SCAMP1: variants seen among roughly 807,000 people sequenced by gnomAD.
The protein encoded by SCAMP1 is secretory carrier membrane protein 1.
SCAMP1 carries 15 observed loss-of-function variants against 41.8 expected under a neutral mutation model. The ratio of observed to expected loss-of-function variants is 0.36; its 90% CI spans 0.24 to 0.55. The LOEUF (loss-of-function observed/expected upper bound fraction) is 0.55, where lower values mean the gene tolerates loss of function less well. SCAMP1 is among the 20% of genes least tolerant of loss of function. The probability of loss-of-function intolerance (pLI) is 0.86; values close to 1 mark genes in which losing one functional copy is unlikely to be tolerated. For synonymous variants in SCAMP1, 135 were observed against 136.8 expected, an observed-to-expected ratio of 0.99 and a Z score of 0.09; for missense variants, 341 against 412.6, an observed-to-expected ratio of 0.83 and a Z score of 1.50.
At chr5:78,451,329 T>C (rs1753220187) in intron 7 of SCAMP1, among the ~76,000 whole-genome samples, 1 of 152,230 alleles carries the variant, frequency 6.6e-6, no homozygotes, top group Non-Finnish European at 1.5e-5. Flanking sequence ...CCCTTTATCC[T>C]GTTTCACCCA....
chr5:78,413,052 A>G (rs1290792180), intron 2 of SCAMP1, among the ~76,000 whole-genome samples: 1 of 152,082 alleles, frequency 6.6e-6, no homozygotes, highest in Non-Finnish European at 1.5e-5. Flanking sequence ...ATTCACATGT[A>G]TTTTTCCCTG....
chr5:78,448,502 ATTAG>A (rs1204375655), intron 6 of SCAMP1, among the ~76,000 whole-genome samples: 1 of 152,226 alleles, frequency 6.6e-6, no homozygotes. Context: ...AAATATTTTA[ATTAG>A]TTCATGAAAG....
rs770810098 is a variant in SCAMP1 at position 78,412,698 on chromosome 5, C to T, written c.136-2822C>T. ...ACACCTCTTTTCACATGTTTATTGA[C>T]CTCTTTCTATTGCTTGTTCAGATCT... On this transcript the variant is annotated intron_variant, in intron 2 of 8. Coordinates refer to ENST00000621999, the MANE Select transcript of SCAMP1 (RefSeq NM_004866.6). 1.6e-4 allele frequency among the ~76,000 whole-genome samples: 25 copies of T among 152,040 alleles called. 1 individual carries two copies. Among genetic ancestry groups the T allele is most frequent in the Admixed American group, 1.2e-3 (19 of 15,260 alleles).
intron 7 of SCAMP1, among the ~76,000 whole-genome samples, chr5:78,451,829 A>G (rs574033825): frequency 4.6e-5 from 7 of 152,104 alleles, no homozygotes; most frequent in Admixed American, 3.3e-4. Flanking sequence ...TAATTTTTCT[A>G]TTTTTAGTAG....
chr5:78,465,984 C>T (rs576889892), intron 8 of SCAMP1, among the ~76,000 whole-genome samples: 11 of 152,344 alleles, frequency 7.2e-5, no homozygotes, highest in South Asian at 6.2e-4. Flanking sequence ...ACCTTCACAG[C>T]GGCACCTAGG....
rs972486526 is a variant in SCAMP1, at chr5:78,418,890, C to T, written c.459C>T (p.Tyr153=). 2.5e-6 allele frequency: 4 copies of T among 1,569,686 alleles called. No homozygotes were observed. Among genetic ancestry groups the T allele is most frequent in the Non-Finnish European group, 3.5e-6 (4 of 1,159,148 alleles). The change falls in exon 5 of 9, where the codon TAC becomes TAT. Residue 153 remains tyrosine (Y), a synonymous_variant. Transcript: ENST00000621999. ...VEFQKTVKLM[Y]YLWMFHAVTL... is the part of the protein sequence containing the mutation. The stretch of plus-strand genomic sequence containing the variant: ...TCCAAAAGACAGTAAAGCTTATGTA[C>T]TACTTGTGGATGTGTGAGTATACAA...
intron 8 of SCAMP1, among the ~76,000 whole-genome samples, chr5:78,460,813 CTTCCTTCCTTTCT>C (rs1352899194): frequency 0.016 from 554 of 34,586 alleles, 59 homozygotes; most frequent in African/African-American, 0.068. Context: ...TCCTCCCTTC[CTTCCTTCCTTTCT>C]TGTCTTTCCT....
At chr5:78,429,049 A>T (rs13155116) in intron 6 of SCAMP1, among the ~76,000 whole-genome samples, 68,375 of 151,836 alleles carry the variant, frequency 0.45, 16,191 homozygotes, top group Non-Finnish European at 0.51. Context: ...ATTCCTTGGG[A>T]TTCCATATAT....
At chr5:78,382,967 AG>A (rs138729074) in intron 1 of SCAMP1, among the ~76,000 whole-genome samples, 5,392 of 152,246 alleles carry the variant, frequency 0.035, 346 homozygotes, top group African/African-American at 0.12. Flanking sequence ...GATATCCAGG[AG>A]TGGGATTGCT....
chr5:78,392,839 A>T (rs1194816718), intron 2 of SCAMP1, among the ~76,000 whole-genome samples: 2 of 152,132 alleles, frequency 1.3e-5, no homozygotes, highest in Admixed American at 6.5e-5. Flanking sequence ...TTCCAAAGAG[A>T]TTAGGTGTAG....
chr5:78,403,736 C>T (rs1330029643), intron 2 of SCAMP1, among the ~76,000 whole-genome samples: 2 of 151,968 alleles, frequency 1.3e-5, no homozygotes, highest in East Asian at 1.9e-4. Flanking sequence ...GAGGCTGAGG[C>T]GGGCGAATCA....
chr5:78,406,784 G>GATGTATTTAAGCA (rs1221797594), intron 2 of SCAMP1, among the ~76,000 whole-genome samples: 1 of 152,154 alleles, frequency 6.6e-6, no homozygotes, highest in Non-Finnish European at 1.5e-5. Context: ...TAAGCATGTA[G>GATGTATTTAAGCA]TCTATTCCCA....
At chr5:78,371,391 TC>T (rs2112049629) in intron 1 of SCAMP1, among the ~76,000 whole-genome samples, 1 of 152,328 alleles carries the variant, frequency 6.6e-6, no homozygotes, top group Admixed American at 6.5e-5. Context: ...TAATGGTTGT[TC>T]CAGCACCATT....
intron 7 of SCAMP1, among the ~76,000 whole-genome samples, chr5:78,453,427 A>G (rs1297572544): frequency 1.3e-5 from 2 of 151,868 alleles, no homozygotes; most frequent in Non-Finnish European, 2.9e-5. Context: ...TCCCAGCACC[A>G]TTTATTAAAC....
At chr5:78,390,740 G>A (rs1181695033) in intron 2 of SCAMP1, among the ~76,000 whole-genome samples, 3 of 149,706 alleles carry the variant, frequency 2.0e-5, no homozygotes, top group Non-Finnish European at 1.5e-5. Context: ...GTGGAGGGAA[G>A]GTCAGCAGAT....
rs141037666 is a variant in SCAMP1, at chr5:78,387,362, CTT to C, written c.58-1460_58-1459del. Reference sequence around the variant, plus strand: ...AAATTTTTCCATTCATATCCTGTATCTTTTTTTTTTTTTTTTAATTTCTTTAA... The same window carrying C: ...AAATTTTTCCATTCATATCCTGTATCTTTTTTTTTTTTTTAATTTCTTTAA... On this transcript the variant is annotated intron_variant, in intron 1 of 8. Transcript: ENST00000621999. Among the ~76,000 whole-genome samples the C allele has an allele frequency of 5.8e-4, 78 of 135,554 alleles. 1 individual carries two copies. The highest frequency in any genetic ancestry group is 1.6e-3 in the Admixed American group (22 of 13,638). 88.9% of individuals were successfully genotyped at this position (135,554 alleles called of 152,430 possible).
intron 2 of SCAMP1, among the ~76,000 whole-genome samples, chr5:78,394,985 A>G (rs1455079712): frequency 1.3e-5 from 2 of 152,146 alleles, no homozygotes; most frequent in African/African-American, 2.4e-5. Context: ...TGACCTATCT[A>G]GTTATCTACT....
intron 1 of SCAMP1, among the ~76,000 whole-genome samples, chr5:78,375,734 G>C (rs1329757002): frequency 2.0e-5 from 3 of 152,132 alleles, no homozygotes; most frequent in Non-Finnish European, 4.4e-5. Context: ...GAAAAACTTA[G>C]AGGAAATTTA....
Position 78,422,920 on chromosome 5 carries a change from G to T in SCAMP1, c.632+960G>T, listed in dbSNP as rs77929569. The stretch of plus-strand genomic sequence containing the variant: ...CGTGTGTTGTTTAAAGGATATATTA[G>T]GGAAATTAGAGGCCCACATTTAAGT... On this transcript the variant is annotated intron_variant, in intron 6 of 8. Coordinates refer to ENST00000621999, the MANE Select transcript of SCAMP1 (RefSeq NM_004866.6). 5.1e-4 allele frequency among the ~76,000 whole-genome samples: 78 copies of T among 152,202 alleles called. 1 individual carries two copies. The East Asian group carries it at 0.014, about 26-fold the overall frequency.
Sources: gnomAD v4.1 joint callset for allele counts (sites outside exome capture counted in the v4.1 genomes callset) on GRCh38, gnomAD v4.1.1 for gene constraint, MANE v1.5 for transcripts, NCBI Gene and HGNC (gene_info 2026-07-23, HGNC 2026-07-21) for gene names.